The following ARHGEF7 variants were observed in gnomAD, a reference collection of about 807,000 sequenced individuals.
ARHGEF7 encodes PAK-interacting exchange factor beta.
A neutral mutation model predicts 109.8 loss-of-function variants in ARHGEF7; 33 were observed. The observed-to-expected ratio is 0.30, with a 90% CI of 0.23 to 0.40. ARHGEF7 has a LOEUF of 0.40. Among genes scored for constraint, ARHGEF7 ranks in the 10% least tolerant of loss-of-function variants. ARHGEF7 has a pLI of 1.00. For synonymous variants in ARHGEF7, 458 were observed against 424.6 expected (o/e 1.08, Z -0.97); for missense variants, 938 against 1,098.5 (o/e 0.85, Z 2.07).
At position 111,305,729 on chromosome 13, in the gene ARHGEF7, G is replaced by A. The variant is rs1259701687; in HGVS notation, c.*2616G>A. On this transcript the variant is annotated 3_prime_UTR_variant, in exon 22 of 22. Transcript: ENST00000646102. ...TTATTAAACTGATTATTTTTCTTAT[G>A]TCACAGAATGTGTCGCTTCGTCTTC... is the stretch of plus-strand genomic sequence containing the variant. 1.3e-5 allele frequency: 2 copies of A among 152,168 alleles called. No individual in the cohort carries two copies. The highest frequency in any genetic ancestry group is 2.9e-5 in the Non-Finnish European group (2 of 68,032). 9.4% of individuals were successfully genotyped at this position (152,168 alleles called of 1,614,324 possible).
In ARHGEF7 at chr13:111,255,359, G is replaced by C. The variant is rs989851030; in HGVS notation, c.950+11065G>C. On this transcript the variant is annotated intron_variant, in intron 8 of 21. Transcript: ENST00000646102. The surrounding 1 kb of genome is among the most constrained non-coding windows in gnomAD (Gnocchi z 4.1). Reference sequence around the variant, plus strand: ...AGAGGTGTGGCCCAGGTAAAGGTTAGGTTTGGATTGACAGCTCTCCTGGTC... The same window carrying C: ...AGAGGTGTGGCCCAGGTAAAGGTTACGTTTGGATTGACAGCTCTCCTGGTC... Among the ~76,000 whole-genome samples the C allele has an allele frequency of 2.0e-5, 3 of 152,218 alleles. No individual in the cohort carries two copies. The highest frequency in any genetic ancestry group is 7.2e-5 in the African/African-American group (3 of 41,446).
rs186891313 is a variant in ARHGEF7, at chr13:111,243,807, G to A, written c.760-65G>A. 345 of 1,046,344 alleles carry A rather than the reference G, an allele frequency of 3.3e-4. No homozygotes were observed. The African/African-American group carries it at 4.5e-3, about 14-fold the overall frequency. 64.8% of individuals were successfully genotyped at this position (1,046,344 alleles called of 1,614,324 possible). On this transcript the variant is annotated intron_variant, in intron 6 of 21. Transcript: ENST00000646102. ...ACAATGGCGATGAACTGTCCAAAGT[G>A]TATAAATCTTAGTGTCAAATAGCAA...
intron 1 of ARHGEF7, among the ~76,000 whole-genome samples, chr13:111,132,322 C>T (rs1421018550): frequency 6.6e-6 from 1 of 152,172 alleles, no homozygotes; most frequent in African/African-American, 2.4e-5. Context: ...CTTTCATCTC[C>T]AGCTTATACA....
rs918911271 is a variant in ARHGEF7, at chr13:111,272,633, G to A, written c.1074-1181G>A. On this transcript the variant is annotated intron_variant, in intron 9 of 21. Coordinates refer to ENST00000646102, the MANE Select transcript of ARHGEF7 (RefSeq NM_001354046.2). This position sits in a 1 kb window ranked among gnomAD's most constrained non-coding sequence, Gnocchi z 5.2. ...CCTATCTTCTAGGATGGGGCGTGGT[G>A]ATGGGGCGGGGGTCACCTGGGTCTC... Among the ~76,000 whole-genome samples, 23 of 152,300 alleles carry A rather than the reference G, an allele frequency of 1.5e-4. No individual in the cohort carries two copies. The highest frequency in any genetic ancestry group is 4.6e-4 in the African/African-American group (19 of 41,564).
intron 19 of ARHGEF7, among the ~76,000 whole-genome samples, chr13:111,299,337 A>ATTTTT (rs936360326): frequency 6.6e-4 from 70 of 106,076 alleles, no homozygotes; most frequent in East Asian, 1.4e-3. Flanking sequence ...GAAGCCATTC[A>ATTTTT]TTTTTTTTTT....
chr13:111,266,706 G>T lies in ARHGEF7; in HGVS notation c.951-842G>T. ...CATGTTTTTGGTCACTTTTTCTCTGGCTCCCATTCCCTAGGTAGGAGGATG... is the reference window on the plus strand; with the variant it reads ...CATGTTTTTGGTCACTTTTTCTCTGTCTCCCATTCCCTAGGTAGGAGGATG... On this transcript the variant is annotated intron_variant, in intron 8 of 21. Transcript: ENST00000646102. This position sits in a 1 kb window ranked among gnomAD's most constrained non-coding sequence, Gnocchi z 4.8. The T allele has an allele frequency of 2.4e-6, 1 of 412,014 alleles. No homozygotes were observed. The highest frequency in any genetic ancestry group is 2.5e-5 in the Admixed American group (1 of 39,236). The allele number at this position is 412,014 out of a possible 1,614,324, so 25.5% of individuals were successfully genotyped here.
intron 2 of ARHGEF7, among the ~76,000 whole-genome samples, chr13:111,197,478 T>C (rs896270424): frequency 1.3e-5 from 2 of 152,230 alleles, no homozygotes; most frequent in Non-Finnish European, 2.9e-5. Context: ...CTTGAAAACC[T>C]GTTAAGAGTC....
At chr13:111,247,273 C>CTTTTT (rs5806892) in intron 8 of ARHGEF7, among the ~76,000 whole-genome samples, 1 of 146,326 alleles carries the variant, frequency 6.8e-6, no homozygotes. Flanking sequence ...CATACTCATT[C>CTTTTT]TTTTTTTTTT....
intron 2 of ARHGEF7, among the ~76,000 whole-genome samples, chr13:111,166,581 T>C (rs921235651): frequency 1.1e-4 from 16 of 152,198 alleles, no homozygotes; most frequent in African/African-American, 3.4e-4. Context: ...TTCTAGTTTT[T>C]ATCAAGAGGG....
intron 1 of ARHGEF7, among the ~76,000 whole-genome samples, chr13:111,120,967 T>C (rs2067158453): frequency 6.6e-6 from 1 of 152,126 alleles, no homozygotes; most frequent in Admixed American, 6.5e-5. Context: ...TAGGGGAAGA[T>C]TCGCAACCAC....
At chr13:111,280,909 C>G (rs1053863771) in intron 15 of ARHGEF7, 2 of 380,584 alleles carry the variant, frequency 5.3e-6, no homozygotes, top group Non-Finnish European at 9.1e-6. Context: ...ACGCACAGTT[C>G]AGAGGTGCTT....
intron 5 of ARHGEF7, among the ~76,000 whole-genome samples, chr13:111,218,646 A>G (rs531471489): frequency 8.5e-5 from 13 of 152,262 alleles, no homozygotes; most frequent in African/African-American, 2.9e-4. Context: ...AAAGGACATG[A>G]TACAAAATTG....
chr13:111,202,093 T>C (rs2153461715), intron 2 of ARHGEF7, among the ~76,000 whole-genome samples: 1 of 152,336 alleles, frequency 6.6e-6, no homozygotes, highest in African/African-American at 2.4e-5. Flanking sequence ...TTCACTTAAA[T>C]GTAAAAGTAA....
At chr13:111,122,042 A>G (rs1355105598) in intron 1 of ARHGEF7, among the ~76,000 whole-genome samples, 1 of 152,238 alleles carries the variant, frequency 6.6e-6, no homozygotes, top group African/African-American at 2.4e-5. Context: ...AAATCCAGGA[A>G]CACGGGTTAA....
chr13:111,251,188 G>C (rs1166531184), intron 8 of ARHGEF7, among the ~76,000 whole-genome samples: 2 of 152,178 alleles, frequency 1.3e-5, no homozygotes, highest in Non-Finnish European at 2.9e-5. Context: ...ACGGAAAGGG[G>C]TTCATGATGG....
intron 8 of ARHGEF7, among the ~76,000 whole-genome samples, chr13:111,248,721 A>G (rs1054110269): frequency 3.3e-5 from 5 of 152,212 alleles, no homozygotes; most frequent in African/African-American, 9.7e-5. Flanking sequence ...GTTCTCTGCT[A>G]AGATTTTATA....
At position 111,153,918 on chromosome 13, in the gene ARHGEF7, C is replaced by G; in HGVS notation, c.179C>G (p.Pro60Arg). 2 of 1,605,314 alleles carry G rather than the reference C, an allele frequency of 1.2e-6. No individual in the cohort carries two copies. Among genetic ancestry groups the G allele is most frequent in the Non-Finnish European group, 1.7e-6 (2 of 1,177,218 alleles). The part of the protein sequence containing the change: ...PGTIEKVYPE[P>R]RSESECLSNI... ...TCTGTATTGCAGGTCTACCCCGAGC[C>G]CCGGAGCGAGAGCGAGTGCCTGAGC... The change falls in exon 2 of 22, where the codon CCC becomes CGC. Residue 60 changes from proline (P) to arginine (R), a missense_variant. Physicochemically the swap from Pro to Arg is moderately radical, Grantham distance 103 (BLOSUM62 -2). Coordinates refer to ENST00000646102, the MANE Select transcript of ARHGEF7 (RefSeq NM_001354046.2).
In ARHGEF7 at chr13:111,263,972, A is replaced by G. The variant is rs928976946; in HGVS notation, c.951-3576A>G. 3.3e-5 allele frequency among the ~76,000 whole-genome samples: 5 copies of G among 152,320 alleles called. No homozygotes were observed. In the South Asian group the frequency reaches 6.2e-4, roughly 19 times the overall value. ...TCCCAGTGCCTTGTAATGGTGCTGC[A>G]TACATATAGTAGTTGAAATTAATTT... is the stretch of plus-strand genomic sequence containing the variant. On this transcript the variant is annotated intron_variant, in intron 8 of 21. Transcript: ENST00000646102.
At chr13:111,130,182 G>A (rs948643157) in intron 1 of ARHGEF7, among the ~76,000 whole-genome samples, 1 of 152,212 alleles carries the variant, frequency 6.6e-6, no homozygotes, top group African/African-American at 2.4e-5. Flanking sequence ...CTCGCTTGGG[G>A]ACAATAGCTG....
Sources: allele counts gnomAD v4.1 joint callset (sites outside exome capture counted in the v4.1 genomes callset), GRCh38; gene constraint gnomAD v4.1.1; non-coding constraint Gnocchi (gnomAD v3.1); transcripts MANE v1.5; gene names NCBI Gene and HGNC (gene_info 2026-07-23, HGNC 2026-07-21).